The following PPP1R9A variants were observed in gnomAD, a reference collection of about 807,000 sequenced individuals.
PPP1R9A encodes the protein protein phosphatase 1 regulatory subunit 9A, also known as neurabin-1.
Under a neutral mutation model 141.9 loss-of-function variants are expected in PPP1R9A, and 59 were observed. The ratio of observed to expected loss-of-function variants is 0.42; its 90% confidence interval spans 0.34 to 0.52. PPP1R9A has a LOEUF of 0.52. PPP1R9A is among the 20% of genes least tolerant of loss of function. PPP1R9A has a pLI of 0.10. For missense variants in PPP1R9A, 1,444 were observed against 1,611.9 expected (o/e 0.90, Z 1.78); for synonymous variants, 500 against 569.7 (o/e 0.88, Z 1.74).
chr7:95,032,036 G>A (rs1563144987), intron 2 of PPP1R9A, among the ~76,000 whole-genome samples: 1 of 152,114 alleles, frequency 6.6e-6, no homozygotes, highest in East Asian at 1.9e-4. Flanking sequence ...AAATCACTTT[G>A]GCAACCATTA....
At chr7:94,985,800 A>AT (rs1258017156) in intron 2 of PPP1R9A, among the ~76,000 whole-genome samples, 9 of 152,268 alleles carry the variant, frequency 5.9e-5, no homozygotes, top group African/African-American at 2.2e-4. Context: ...CTATTACTCT[A>AT]TAAAAAAATG....
Position 95,200,285 on chromosome 7 carries a change from G to A in PPP1R9A, c.1890+1801G>A, listed in dbSNP as rs551432073. Among the ~76,000 whole-genome samples, 73 of 142,022 alleles carry A rather than the reference G, an allele frequency of 5.1e-4. 2 individuals carry two copies. Among genetic ancestry groups the A allele is most frequent in the African/African-American group, 1.9e-3 (72 of 38,478 alleles). The allele number at this position is 142,022 out of a possible 152,430, so 93.2% of individuals were successfully genotyped here. ...AATTTTGCTCTTTTTTTTTTTTTAC[G>A]ACACAGGGTCTTGCTCTGCCACCCA... On this transcript the variant is annotated intron_variant, in intron 6 of 19. Transcript: ENST00000433360.
chr7:95,143,407 A>G (rs1215156477), intron 4 of PPP1R9A, among the ~76,000 whole-genome samples: 1 of 152,136 alleles, frequency 6.6e-6, no homozygotes, highest in African/African-American at 2.4e-5. Context: ...TCATAAGACC[A>G]TAGATCTCAG....
At chr7:95,153,246 A>G (rs542289336) in intron 4 of PPP1R9A, among the ~76,000 whole-genome samples, 32 of 152,220 alleles carry the variant, frequency 2.1e-4, no homozygotes, top group Non-Finnish European at 4.3e-4. Flanking sequence ...TTTTAAGGTA[A>G]GAAGTAGAGT....
intron 3 of PPP1R9A, among the ~76,000 whole-genome samples, chr7:95,113,808 CAA>C (rs904312838): frequency 1.8e-4 from 27 of 152,006 alleles, no homozygotes; most frequent in African/African-American, 6.3e-4. Context: ...GGGAGTGAAA[CAA>C]AGAGCAGCTT....
chr7:95,215,908 C>G (rs531318531), intron 7 of PPP1R9A, among the ~76,000 whole-genome samples: 1 of 152,030 alleles, frequency 6.6e-6, no homozygotes, highest in Non-Finnish European at 1.5e-5. Flanking sequence ...AAAATTTTCT[C>G]CCATTCTGTA....
intron 12 of PPP1R9A, among the ~76,000 whole-genome samples, chr7:95,263,936 C>T (rs1800846705): frequency 6.6e-6 from 1 of 152,114 alleles, no homozygotes; most frequent in African/African-American, 2.4e-5. Context: ...ATATAATCTT[C>T]ATAGCAATAC....
At chr7:95,181,217 G>T (rs1324770001) in intron 5 of PPP1R9A, among the ~76,000 whole-genome samples, 6 of 141,774 alleles carry the variant, frequency 4.2e-5, no homozygotes, top group African/African-American at 7.8e-5. Context: ...AATATATAGA[G>T]AAAATATATA....
At chr7:95,243,381 G>A (rs1272135511) in intron 8 of PPP1R9A, among the ~76,000 whole-genome samples, 1 of 152,124 alleles carries the variant, frequency 6.6e-6, no homozygotes, top group Non-Finnish European at 1.5e-5. Context: ...CTAGCACGTA[G>A]TCTCAGTCAC....
At chr7:95,001,035 A>G (rs1373279848) in intron 2 of PPP1R9A, among the ~76,000 whole-genome samples, 2 of 152,154 alleles carry the variant, frequency 1.3e-5, no homozygotes, top group African/African-American at 4.8e-5. Flanking sequence ...TGTTTGTCAT[A>G]TAAGCAGATG....
At chr7:95,133,474 T>C (rs1825025653) in intron 4 of PPP1R9A, among the ~76,000 whole-genome samples, 1 of 148,196 alleles carries the variant, frequency 6.7e-6, no homozygotes, top group Non-Finnish European at 1.5e-5. Context: ...ATGTCATTAG[T>C]TTTTATAATA....
At chr7:95,260,040 A>C (rs1800190894) in intron 12 of PPP1R9A, among the ~76,000 whole-genome samples, 1 of 152,192 alleles carries the variant, frequency 6.6e-6, no homozygotes, top group Non-Finnish European at 1.5e-5. Context: ...CTAATAATTA[A>C]AGGGTGAACA....
In PPP1R9A at chr7:95,247,535, C is replaced by T. The variant is rs527849060; in HGVS notation, c.2166+9C>T. 27 of 1,596,454 alleles carry T rather than the reference C, an allele frequency of 1.7e-5. No individual in the cohort carries two copies. Among genetic ancestry groups the T allele is most frequent in the African/African-American group, 8.1e-5 (6 of 74,476 alleles). ...AAAAATTGAAGACCAAGGTAAGCAC[C>T]GAAACATGGTGTTTGAATTTTACTT... On this transcript the variant is annotated intron_variant, in intron 9 of 19. Transcript: ENST00000433360.
chr7:95,267,984 T>C (rs1801567060), intron 12 of PPP1R9A, among the ~76,000 whole-genome samples: 1 of 152,174 alleles, frequency 6.6e-6, no homozygotes, highest in Admixed American at 6.6e-5. Flanking sequence ...TCACTGGTCT[T>C]TCTACAGGTT....
intron 6 of PPP1R9A, 25 bp from the exon 7 acceptor site, chr7:95,203,640 T>C (rs1286285488): frequency 1.3e-6 from 2 of 1,525,712 alleles, no homozygotes; most frequent in Admixed American, 3.9e-5. Flanking sequence ...AAGCCTTCTT[T>C]AATATTTTTT....
At chr7:95,178,366 C>G (rs112691675) in intron 5 of PPP1R9A, among the ~76,000 whole-genome samples, 94 of 152,170 alleles carry the variant, frequency 6.2e-4, no homozygotes, top group African/African-American at 2.1e-3. Context: ...ATCAAAACCT[C>G]AGGGATACAG....
At chr7:95,032,324 G>A (rs1807802904) in intron 2 of PPP1R9A, among the ~76,000 whole-genome samples, 1 of 152,046 alleles carries the variant, frequency 6.6e-6, no homozygotes, top group Non-Finnish European at 1.5e-5. Context: ...CACAGAGAGA[G>A]AAAACTTGAT....
At chr7:95,118,300 C>T (rs1048918782) in intron 3 of PPP1R9A, among the ~76,000 whole-genome samples, 12 of 151,946 alleles carry the variant, frequency 7.9e-5, no homozygotes, top group Non-Finnish European at 1.8e-4. Flanking sequence ...AGTCTTTATA[C>T]CAGAGAAACA....
At chr7:95,171,808 ACTT>A (rs1267412596) in intron 5 of PPP1R9A, among the ~76,000 whole-genome samples, 1 of 151,676 alleles carries the variant, frequency 6.6e-6, no homozygotes, top group Admixed American at 6.6e-5. Context: ...CTTCTCAACT[ACTT>A]TTATGAAGCC....
Sources: gnomAD v4.1 joint callset for allele counts (sites outside exome capture counted in the v4.1 genomes callset) on GRCh38, gnomAD v4.1.1 for gene constraint, MANE v1.5 for transcripts, NCBI Gene and HGNC (gene_info 2026-07-23, HGNC 2026-07-21) for gene names.